CELF5: variants seen among roughly 807,000 people sequenced by gnomAD.
CELF5 encodes CUGBP Elav-like family member 5.
In CELF5, 6 loss-of-function variants were observed where a neutral mutation model predicts 54.9. The observed-to-expected ratio is 0.11, with a 90% CI of 0.06 to 0.22. The LOEUF (loss-of-function observed/expected upper bound fraction) is 0.22. CELF5 is among the 10% of genes least tolerant of loss of function. CELF5 has a pLI of 1.00. For synonymous variants in CELF5, 271 were observed against 290.9 expected (o/e 0.93, Z 0.70); for missense variants, 401 against 678.6 (o/e 0.59, Z 4.54).
At chr19:3,272,239 C>T (rs901852563) in intron 2 of CELF5, among the ~76,000 whole-genome samples, 5 of 151,932 alleles carry the variant, frequency 3.3e-5, no homozygotes, top group African/African-American at 9.7e-5. Flanking sequence ...CGTATTGGTG[C>T]GTGCCTGTAG....
At chr19:3,239,706 C>T (rs1469331014) in intron 1 of CELF5, among the ~76,000 whole-genome samples, 1 of 151,882 alleles carries the variant, frequency 6.6e-6, no homozygotes, top group Non-Finnish European at 1.5e-5. Context: ...TCGTCCCCCA[C>T]CAAAGCCCTA....
chr19:3,280,399 C>T (rs1000241431), intron 5 of CELF5, among the ~76,000 whole-genome samples: 2 of 151,356 alleles, frequency 1.3e-5, no homozygotes, highest in Non-Finnish European at 2.9e-5. Flanking sequence ...AGTGAAACCC[C>T]GTCTCTACTA....
intron 11 of CELF5, among the ~76,000 whole-genome samples, chr19:3,291,937 T>C (rs945636823): frequency 1.3e-5 from 2 of 151,976 alleles, no homozygotes; most frequent in Non-Finnish European, 2.9e-5. Flanking sequence ...AGACTCTTTT[T>C]TTTTGTTTTG....
intron 1 of CELF5, among the ~76,000 whole-genome samples, chr19:3,227,026 G>A (rs758408386): frequency 6.6e-6 from 1 of 152,074 alleles, no homozygotes; most frequent in Non-Finnish European, 1.5e-5. Context: ...CCGTGTGCAC[G>A]ACAGCCGGCA....
chr19:3,291,856 G>T (rs143706424), intron 11 of CELF5, among the ~76,000 whole-genome samples: 1 of 152,126 alleles, frequency 6.6e-6, no homozygotes, highest in African/African-American at 2.4e-5. Context: ...GGACATTAAG[G>T]CTCTGAAAAG....
chr19:3,277,935 G>C, intron 4 of CELF5, 96 bp from the exon 5 acceptor site: 1 of 868,090 alleles, frequency 1.2e-6, no homozygotes, highest in Non-Finnish European at 1.9e-6. Flanking sequence ...GTCTGACACT[G>C]GCCATGTAGG....
At chr19:3,245,125 G>T (rs957752705) in intron 1 of CELF5, among the ~76,000 whole-genome samples, 1 of 150,010 alleles carries the variant, frequency 6.7e-6, no homozygotes, top group Admixed American at 6.7e-5. Flanking sequence ...GCATGTGTGT[G>T]TGTAGTGTGT....
intron 1 of CELF5, among the ~76,000 whole-genome samples, chr19:3,230,053 T>C (rs67503450): frequency 0.2 from 30,221 of 151,776 alleles, 3,068 homozygotes; most frequent in East Asian, 0.25. Flanking sequence ...GCCTTGGCCA[T>C]TGGAAACACC....
chr19:3,253,812 C>T (rs376750630), intron 2 of CELF5, among the ~76,000 whole-genome samples: 116 of 144,086 alleles, frequency 8.1e-4, no homozygotes, highest in African/African-American at 2.8e-3. Context: ...GGCATCAGGT[C>T]CTGGGGGAAG....
rs1039998105 is a variant in CELF5, at chr19:3,290,897, G to T, written c.1330+523G>T. On this transcript the variant is annotated intron_variant, in intron 11 of 12. Transcript: ENST00000292672. ...AGCACTTTGAGAGGCTGAGGTGGGC[G>T]GATTGCTTGAGTCCAGGAGTTCAAG... 2.0e-5 allele frequency among the ~76,000 whole-genome samples: 3 copies of T among 151,648 alleles called. No homozygotes were observed. In the South Asian group the frequency reaches 6.2e-4, roughly 32 times the overall value.
chr19:3,296,450 A>G (rs1165700467), intron 12 of CELF5: 1 of 145,366 alleles, frequency 6.9e-6, no homozygotes, highest in Non-Finnish European at 1.5e-5. Flanking sequence ...AAAAAAAAAA[A>G]AAAAAAGAAA....
At chr19:3,276,889 C>A (rs952399544) in intron 4 of CELF5, among the ~76,000 whole-genome samples, 7 of 119,576 alleles carry the variant, frequency 5.9e-5, no homozygotes, top group African/African-American at 2.2e-4. Context: ...TGGGGAGGGG[C>A]GGGGCTTCTC....
At chr19:3,272,879 C>T (rs560524596) in intron 2 of CELF5, among the ~76,000 whole-genome samples, 1 of 152,296 alleles carries the variant, frequency 6.6e-6, no homozygotes, top group South Asian at 2.1e-4. Flanking sequence ...CCCCAACTCT[C>T]ACATCCCTGG....
intron 1 of CELF5, among the ~76,000 whole-genome samples, chr19:3,236,145 G>C (rs1374685694): frequency 6.6e-6 from 1 of 152,110 alleles, no homozygotes; most frequent in Non-Finnish European, 1.5e-5. Flanking sequence ...AGGACACCAG[G>C]GCCTCAGCAC....
At chr19:3,237,796 TC>T (rs2079436743) in intron 1 of CELF5, among the ~76,000 whole-genome samples, 1 of 152,282 alleles carries the variant, frequency 6.6e-6, no homozygotes, top group Admixed American at 6.5e-5. Flanking sequence ...ACGCCTGTAA[TC>T]CCAGCACTTT....
rs2080171401 is a variant in CELF5, at chr19:3,282,560, G to C, written c.1039+62G>C. 6.5e-7 allele frequency: 1 copy of C among 1,541,516 alleles called. No individual in the cohort carries two copies. Among genetic ancestry groups the C allele is most frequent in the Admixed American group, 1.8e-5 (1 of 54,686 alleles). On this transcript the variant is annotated intron_variant, in intron 8 of 12. Coordinates refer to ENST00000292672, the MANE Select transcript of CELF5 (RefSeq NM_021938.4). This position sits in a 1 kb window ranked among gnomAD's most constrained non-coding sequence, Gnocchi z 5.2. ...GTGGGGAATAAAGATGGTGTTTCTG[G>C]AACAAGTATGAGTCCCTACATCACA...
At chr19:3,272,655 G>T (rs1394572183) in intron 2 of CELF5, among the ~76,000 whole-genome samples, 3 of 152,220 alleles carry the variant, frequency 2.0e-5, no homozygotes, top group Non-Finnish European at 4.4e-5. Flanking sequence ...CCTTCCCCAT[G>T]TGGGGAGATG....
At chr19:3,285,833 G>T in intron 9 of CELF5, 109 bp from the exon 10 acceptor site, 1 of 461,428 alleles carries the variant, frequency 2.2e-6, no homozygotes, top group Non-Finnish European at 3.4e-6. Context: ...ACCCACTCCT[G>T]CCTTGGCCCC....
chr19:3,234,757 T>C (rs1233318078), intron 1 of CELF5, among the ~76,000 whole-genome samples: 1 of 152,096 alleles, frequency 6.6e-6, no homozygotes, highest in African/African-American at 2.4e-5. Flanking sequence ...ATCAGCAGAT[T>C]CTGATGGCTC....
Sources: gnomAD v4.1 joint callset for allele counts (sites outside exome capture counted in the v4.1 genomes callset) on GRCh38, gnomAD v4.1.1 for gene constraint, Gnocchi (gnomAD v3.1) non-coding constraint, MANE v1.5 for transcripts, NCBI Gene and HGNC (gene_info 2026-07-23, HGNC 2026-07-21) for gene names.